Variants in FNIP1 observed in about 807,000 individuals in gnomAD.
FNIP1 encodes the protein folliculin-interacting protein 1.
In FNIP1, 40 loss-of-function variants were observed where a neutral mutation model predicts 124.5. The ratio of observed to expected loss-of-function variants is 0.32; its 90% CI spans 0.25 to 0.42. The LOEUF (loss-of-function observed/expected upper bound fraction) is 0.42, where lower values mean the gene tolerates loss of function less well. FNIP1 is among the 10% of genes least tolerant of loss of function. FNIP1 has a pLI of 1.00. For synonymous variants in FNIP1, 472 were observed against 470.6 expected, an observed-to-expected ratio of 1.00 and a Z score of -0.04; for missense variants, 1,176 against 1,403.7, an observed-to-expected ratio of 0.84 and a Z score of 2.59.
At chr5:131,659,339 G>A (rs968869478) in intron 15 of FNIP1, among the ~76,000 whole-genome samples, 9 of 152,238 alleles carry the variant, frequency 5.9e-5, no homozygotes, top group East Asian at 1.9e-4. Context: ...CTGGAAGAGC[G>A]CCTCAGGGCA....
At chr5:131,667,458 G>T (rs945685263) in intron 15 of FNIP1, among the ~76,000 whole-genome samples, 1 of 152,136 alleles carries the variant, frequency 6.6e-6, no homozygotes, top group Non-Finnish European at 1.5e-5. Context: ...TACAACTTAG[G>T]TAACTTTCTA....
chr5:131,681,762 T>TA (rs34881164), intron 11 of FNIP1, among the ~76,000 whole-genome samples: 68,201 of 109,180 alleles, frequency 0.62, 21,880 homozygotes, highest in Non-Finnish European at 0.75. Context: ...TGCCAATTTC[T>TA]AAAAAAAAAA....
intron 15 of FNIP1, among the ~76,000 whole-genome samples, chr5:131,659,270 A>G (rs1212005554): frequency 4.6e-5 from 7 of 152,210 alleles, no homozygotes. Context: ...GTCACATTTC[A>G]TGATGGAGTT....
At chr5:131,768,513 T>C (rs1771517131) in intron 1 of FNIP1, among the ~76,000 whole-genome samples, 1 of 151,734 alleles carries the variant, frequency 6.6e-6, no homozygotes, top group South Asian at 2.1e-4. Flanking sequence ...TGTGACTTAT[T>C]TAAAATAAAA....
intron 2 of FNIP1, among the ~76,000 whole-genome samples, chr5:131,737,082 C>A (rs1770336222): frequency 6.6e-6 from 1 of 152,114 alleles, no homozygotes; most frequent in Non-Finnish European, 1.5e-5. Context: ...GTGGGCTAGA[C>A]ATAAAGTACA....
At chr5:131,647,518 A>T (rs1301686820) in intron 16 of FNIP1, among the ~76,000 whole-genome samples, 1 of 151,730 alleles carries the variant, frequency 6.6e-6, no homozygotes, top group African/African-American at 2.4e-5. Context: ...TCTGTTAACC[A>T]GGCTGGAGTG....
chr5:131,686,000 G>A (rs1354772303), intron 11 of FNIP1, among the ~76,000 whole-genome samples: 2 of 152,154 alleles, frequency 1.3e-5, no homozygotes, highest in African/African-American at 4.8e-5. Context: ...GGCACTGGTG[G>A]CACATGCACT....
At chr5:131,649,734 AC>A (rs1408877768) in intron 16 of FNIP1, among the ~76,000 whole-genome samples, 1 of 152,176 alleles carries the variant, frequency 6.6e-6, no homozygotes, top group African/African-American at 2.4e-5. Context: ...ATCCAATGTC[AC>A]AAAGATTATC....
chr5:131,779,682 T>C (rs1383349920), intron 1 of FNIP1, among the ~76,000 whole-genome samples: 1 of 145,654 alleles, frequency 6.9e-6, no homozygotes, highest in East Asian at 2.0e-4. Context: ...AGTGAGATTC[T>C]GTTTCAAAAA....
chr5:131,745,619 G>A (rs569643186), intron 1 of FNIP1, among the ~76,000 whole-genome samples: 1 of 152,062 alleles, frequency 6.6e-6, no homozygotes, highest in African/African-American at 2.4e-5. Context: ...ATATATGTGT[G>A]TGTATACATA....
At chr5:131,686,498 C>A (rs1270851741) in intron 11 of FNIP1, among the ~76,000 whole-genome samples, 1 of 152,148 alleles carries the variant, frequency 6.6e-6, no homozygotes, top group South Asian at 2.1e-4. Flanking sequence ...AGGTGCACGC[C>A]ACTTGAGCCT....
intron 11 of FNIP1, among the ~76,000 whole-genome samples, chr5:131,680,496 A>C (rs1353717253): frequency 1.3e-5 from 2 of 152,362 alleles, no homozygotes; most frequent in East Asian, 3.9e-4. Context: ...TTTGTTTTTA[A>C]AGCTTATTAC....
intron 12 of FNIP1, 135 bp from the exon 13 acceptor site, chr5:131,678,007 G>C: frequency 2.7e-6 from 2 of 739,752 alleles, no homozygotes; most frequent in Non-Finnish European, 4.2e-6. Flanking sequence ...GAAGAGAGAG[G>C]AAAGGATGAG....
chr5:131,749,859 G>A (rs948070059), intron 1 of FNIP1, among the ~76,000 whole-genome samples: 1 of 152,038 alleles, frequency 6.6e-6, no homozygotes, highest in African/African-American at 2.4e-5. Flanking sequence ...ATACAGCCTA[G>A]GTGTGTAGTA....
At chr5:131,699,242 T>C (rs1768807282) in intron 10 of FNIP1, among the ~76,000 whole-genome samples, 2 of 152,162 alleles carry the variant, frequency 1.3e-5, no homozygotes, top group African/African-American at 4.8e-5. Flanking sequence ...TTTTTAAAAC[T>C]GCAGACTGTC....
chr5:131,693,498 C>G (rs1253159986), intron 11 of FNIP1, among the ~76,000 whole-genome samples: 1 of 151,160 alleles, frequency 6.6e-6, no homozygotes, highest in East Asian at 1.9e-4. Context: ...GTATTTTCAG[C>G]AAATGGTGCT....
intron 13 of FNIP1, 198 bp downstream of exon 13, chr5:131,677,505 T>C (rs1169085172): frequency 4.1e-6 from 2 of 485,148 alleles, no homozygotes; most frequent in Non-Finnish European, 7.3e-6. Flanking sequence ...TACCTGCAGT[T>C]CTTCATCTAT....
At chr5:131,698,544 C>CATATATATATCCTTATATCCAT (rs1300126096) in intron 11 of FNIP1, among the ~76,000 whole-genome samples, 1 of 152,180 alleles carries the variant, frequency 6.6e-6, no homozygotes, top group Non-Finnish European at 1.5e-5. Context: ...TCCTTATATC[C>CATATATATATCCTTATATCCAT]ATATATCCTT....
intron 1 of FNIP1, among the ~76,000 whole-genome samples, chr5:131,756,696 G>A (rs58222800): frequency 0.027 from 4,041 of 152,196 alleles, 187 homozygotes; most frequent in African/African-American, 0.092. Flanking sequence ...AGATGAAATC[G>A]AGCATTTATA....
Sources: allele counts gnomAD v4.1 joint callset (sites outside exome capture counted in the v4.1 genomes callset), GRCh38; gene constraint gnomAD v4.1.1; transcripts MANE v1.5; gene names NCBI Gene and HGNC (gene_info 2026-07-23, HGNC 2026-07-21).